The following PLA2G5 variants were observed in gnomAD, a reference collection of about 807,000 sequenced individuals.
The protein encoded by PLA2G5 is phospholipase A2 group V.
A neutral mutation model predicts 15.9 loss-of-function variants in PLA2G5; 12 were observed. The ratio of observed to expected loss-of-function variants is 0.76; its 90% confidence interval spans 0.48 to 1.23. The LOEUF (loss-of-function observed/expected upper bound fraction) is 1.23. Ranked by LOEUF, PLA2G5 falls within the 50% of genes most tolerant of loss-of-function variation. The probability of loss-of-function intolerance (pLI) is 0.00; values close to 1 mark genes in which losing one functional copy is unlikely to be tolerated. For missense variants in PLA2G5, 169 were observed against 177.1 expected (o/e 0.95, Z 0.26); for synonymous variants, 71 against 71.4 (o/e 0.99, Z 0.03).
chr1:20,068,060 G>A (rs928216601), upstream of PLA2G5, among the ~76,000 whole-genome samples: 1 of 152,122 alleles, frequency 6.6e-6, no homozygotes. Flanking sequence ...GGAGGTTGCA[G>A]TGAACCAAGA....
intron 1 of PLA2G5, among the ~76,000 whole-genome samples, chr1:20,057,914 C>T (rs113227005): frequency 0.014 from 2,112 of 152,086 alleles, 44 homozygotes; most frequent in African/African-American, 0.048. Context: ...GTTGTTTAAT[C>T]TCCAATTATT....
intron 1 of PLA2G5, among the ~76,000 whole-genome samples, chr1:20,048,879 T>C (rs1252815681): frequency 6.6e-6 from 1 of 152,176 alleles, no homozygotes; most frequent in Non-Finnish European, 1.5e-5. Flanking sequence ...GAATCTAAAG[T>C]TATATTAAAT....
chr1:20,037,641 G>A (rs1250967630), intron 1 of PLA2G5, among the ~76,000 whole-genome samples: 1 of 152,328 alleles, frequency 6.6e-6, no homozygotes, highest in East Asian at 1.9e-4. Context: ...TTGGAGCAGG[G>A]TTGTTCTGTT....
upstream of PLA2G5, among the ~76,000 whole-genome samples, chr1:20,067,845 G>A (rs559559536): frequency 8.6e-5 from 13 of 151,222 alleles, no homozygotes; most frequent in South Asian, 2.1e-4. Context: ...GAGGCCGGGC[G>A]CGGTGGCTCA....
chr1:20,076,413 C>T (rs949198226), intron 1 of PLA2G5, among the ~76,000 whole-genome samples: 1 of 152,164 alleles, frequency 6.6e-6, no homozygotes, highest in Non-Finnish European at 1.5e-5. Context: ...AAGGAAACCA[C>T]GTGACACTCT....
chr1:20,069,102 A>G (rs2015206185), upstream of PLA2G5: 1 of 461,902 alleles, frequency 2.2e-6, no homozygotes. Context: ...ACGCAATTTT[A>G]TACTCATCAG....
intron 1 of PLA2G5, among the ~76,000 whole-genome samples, chr1:20,052,156 A>T (rs1249413994): frequency 7.0e-6 from 1 of 143,494 alleles, no homozygotes; most frequent in Non-Finnish European, 1.5e-5. Flanking sequence ...CCTGGGCGAC[A>T]GAGCGAGACT....
chr1:20,089,485 T>C (rs950873807), intron 3 of PLA2G5, among the ~76,000 whole-genome samples: 1 of 151,724 alleles, frequency 6.6e-6, no homozygotes, highest in Non-Finnish European at 1.5e-5. Flanking sequence ...GGTCTGGAGG[T>C]GGAGTGTATT....
rs751551919 is a variant in PLA2G5 at position 20,086,188 on chromosome 1, G to A, written c.146G>A (p.Gly49Asp). Reference protein sequence around the residue: ...TNYGFYGCYCGWGGRGTPKDG... With the variant: ...TNYGFYGCYCDWGGRGTPKDG... ...TACGGCTTCTACGGCTGTTACTGCG[G>A]CTGGGGCGGCCGAGGAACCCCCAAG... The change falls in exon 3 of 5, where the codon GGC becomes GAC. Residue 49 changes from glycine (G) to aspartate (D), a missense_variant. By Grantham distance (94) the Gly-to-Asp change is moderately conservative. Transcript: ENST00000375108. 1.2e-6 allele frequency: 2 copies of A among 1,614,052 alleles called. No individual in the cohort carries two copies. The highest frequency in any genetic ancestry group is 1.3e-5 in the African/African-American group (1 of 74,926).
At chr1:20,088,123 C>T (rs866637725) in intron 3 of PLA2G5, among the ~76,000 whole-genome samples, 14 of 150,362 alleles carry the variant, frequency 9.3e-5, no homozygotes, top group East Asian at 1.9e-4. Flanking sequence ...TTTGGGAGGC[C>T]AAGACAGGTG....
At position 20,090,664 on chromosome 1, in the gene PLA2G5, A is replaced by C; in HGVS notation, c.389A>C (p.Gln130Pro). 6.2e-7 allele frequency: 1 copy of C among 1,614,016 alleles called. No individual in the cohort carries two copies. Among genetic ancestry groups the C allele is most frequent in the African/African-American group, 1.3e-5 (1 of 74,996 alleles). ...CTACGGAGCTACAACCCACAGTACCAATACTTTCCCAACATCCTCTGCTCC... is the reference window on the plus strand; with the variant it reads ...CTACGGAGCTACAACCCACAGTACCCATACTTTCCCAACATCCTCTGCTCC... ...RNLRSYNPQY[Q>P]YFPNILCS Residue 130 changes from glutamine (Q) to proline (P), a missense_variant, in exon 5 of 5, where the codon CAA becomes CCA. Physicochemically the swap from Gln to Pro is moderately conservative, Grantham distance 76. Coordinates refer to ENST00000375108, the MANE Select transcript of PLA2G5 (RefSeq NM_000929.3).
At chr1:20,073,725 A>G (rs546712933) in intron 1 of PLA2G5, among the ~76,000 whole-genome samples, 6 of 152,236 alleles carry the variant, frequency 3.9e-5, no homozygotes, top group African/African-American at 1.4e-4. Flanking sequence ...TCTATGAAAA[A>G]TACAAAAATT....
At chr1:20,034,886 A>C (rs548618505) in intron 1 of PLA2G5, among the ~76,000 whole-genome samples, 1 of 152,140 alleles carries the variant, frequency 6.6e-6, no homozygotes, top group African/African-American at 2.4e-5. Flanking sequence ...GTGAATTGGA[A>C]GAAATAGGGA....
At chr1:20,078,003 A>C (rs2015780276) in intron 1 of PLA2G5, among the ~76,000 whole-genome samples, 1 of 152,212 alleles carries the variant, frequency 6.6e-6, no homozygotes, top group African/African-American at 2.4e-5. Context: ...AGAGAAGGGC[A>C]ACTCCAGAGG....
intron 1 of PLA2G5, among the ~76,000 whole-genome samples, chr1:20,054,493 A>G (rs2014338203): frequency 6.6e-6 from 1 of 151,764 alleles, no homozygotes; most frequent in East Asian, 1.9e-4. Flanking sequence ...GTACTTTGCT[A>G]TTTTCACCTA....
At chr1:20,081,339 C>T (rs569400989) in intron 1 of PLA2G5, among the ~76,000 whole-genome samples, 14 of 152,062 alleles carry the variant, frequency 9.2e-5, no homozygotes, top group African/African-American at 3.4e-4. Flanking sequence ...TGCTTTTTTA[C>T]TCTTTCCAGG....
intron 1 of PLA2G5, among the ~76,000 whole-genome samples, chr1:20,029,331 G>GTGTGTTCCTCCCCTGA (rs1557718642): frequency 4.1e-5 from 6 of 147,072 alleles, no homozygotes; most frequent in Non-Finnish European, 3.0e-5. Context: ...CCAGCCACCC[G>GTGTGTTCCTCCCCTGA]TGTGTTCCTC....
intron 1 of PLA2G5, among the ~76,000 whole-genome samples, chr1:20,031,627 G>T (rs998387685): frequency 6.6e-6 from 1 of 151,256 alleles, no homozygotes; most frequent in Non-Finnish European, 1.5e-5. Context: ...GTTAAGTGCC[G>T]CTAGGTTAGT....
intron 1 of PLA2G5, among the ~76,000 whole-genome samples, chr1:20,042,533 G>A (rs1049438363): frequency 2.0e-5 from 3 of 152,092 alleles, no homozygotes; most frequent in Non-Finnish European, 4.4e-5. Flanking sequence ...AAAAGCGTTG[G>A]GATGAGTTAG....
Sources: allele counts gnomAD v4.1 joint callset (sites outside exome capture counted in the v4.1 genomes callset), GRCh38; gene constraint gnomAD v4.1.1; transcripts MANE v1.5; gene names NCBI Gene and HGNC (gene_info 2026-07-23, HGNC 2026-07-21).